Variants in BRAT1 observed in about 807,000 individuals in gnomAD.
BRAT1 encodes integrator complex assembly factor BRAT1.
In BRAT1, 74 loss-of-function variants were observed where a neutral mutation model predicts 70.6. The ratio of observed to expected loss-of-function variants is 1.05; its 90% CI spans 0.87 to 1.27. The LOEUF is 1.27. BRAT1 is among the 50% of genes most tolerant of loss of function. BRAT1 has a pLI of 0.00. For synonymous variants in BRAT1, 615 were observed against 517.1 expected (o/e 1.19, Z -2.57); for missense variants, 1,203 against 1,098.2 (o/e 1.10, Z -1.35).
chr7:2,546,258 T>G (rs939182392), intron 3 of BRAT1, among the ~76,000 whole-genome samples: 2 of 150,838 alleles, frequency 1.3e-5, no homozygotes, highest in Non-Finnish European at 3.0e-5. Flanking sequence ...CTGGGCAACA[T>G]AGTGAGACCC....
In BRAT1 at chr7:2,539,233, C is replaced by G; in HGVS notation, c.1716G>C (p.Leu572=). 1 of 1,611,102 alleles carries G rather than the reference C, an allele frequency of 6.2e-7. No homozygotes were observed. The highest frequency in any genetic ancestry group is 8.5e-7 in the Non-Finnish European group (1 of 1,179,808). ...TGGGGGCGTGCAGGCCCTGGCTGGA[C>G]AGCTGCCCCATGGCGGTCACTGCAC... The part of the protein sequence containing the change: ...RASAVTAMGQ[L]SSQGLHAPTS... The change falls in exon 13 of 14, where the codon CTG becomes CTC. Residue 572 remains leucine, a synonymous_variant. Coordinates refer to ENST00000340611, the MANE Select transcript of BRAT1 (RefSeq NM_152743.4).
chr7:2,541,211 G>T, intron 9 of BRAT1, 87 bp downstream of exon 9: 1 of 1,462,752 alleles, frequency 6.8e-7, no homozygotes, highest in South Asian at 1.4e-5. Flanking sequence ...AACAGAGAGG[G>T]ACAGCAGTTC....
Position 2,541,447 on chromosome 7 carries a change from A to G in BRAT1, c.1172T>C (p.Leu391Pro). The G allele has an allele frequency of 6.4e-7, 1 of 1,568,934 alleles. No individual in the cohort carries two copies. The highest frequency in any genetic ancestry group is 2.0e-4 in the Middle Eastern group (1 of 5,102). The change falls in exon 9 of 14, where the codon CTG (leucine) becomes CCG (proline). Residue 391 changes from leucine (L) to proline (P), a missense_variant. Coordinates refer to ENST00000340611, the MANE Select transcript of BRAT1 (RefSeq NM_152743.4). ...CCGCAGGACAGTCACTGTAGCCCCC[A>G]GTAGAGACGCCTGGGGCCACGGTGA... Reference protein sequence around the residue: ...RPSPWPQASLLGATVTVLRLC... With the variant: ...RPSPWPQASLPGATVTVLRLC...
Position 2,554,293 on chromosome 7 carries a change from C to T in BRAT1, c.127+12G>A. 1 of 1,612,840 alleles carries T rather than the reference C, an allele frequency of 6.2e-7. No homozygotes were observed. The highest frequency in any genetic ancestry group is 8.5e-7 in the Non-Finnish European group (1 of 1,179,218). ...TCTGGATAGGCAGTAAACAGCAGCA[C>T]CACCTCCTTACCTCCTTCAGTGACC... is the stretch of plus-strand genomic sequence containing the variant. On this transcript the variant is annotated intron_variant, in intron 2 of 13. Coordinates refer to ENST00000340611, the MANE Select transcript of BRAT1 (RefSeq NM_152743.4).
At chr7:2,538,925 C>G in intron 13 of BRAT1, 161 bp from the exon 14 acceptor site, 3 of 1,457,126 alleles carry the variant, frequency 2.1e-6, no homozygotes, top group Non-Finnish European at 2.7e-6. Flanking sequence ...ACACGGCCCT[C>G]CAATCCTCAG....
intron 8 of BRAT1, 35 bp from the exon 9 acceptor site, chr7:2,541,519 T>A (rs1256346293): frequency 6.6e-7 from 1 of 1,511,014 alleles, no homozygotes; most frequent in Admixed American, 2.1e-5. Flanking sequence ...AAGGTTGCGG[T>A]CCCACTGCCG....
intron 2 of BRAT1, among the ~76,000 whole-genome samples, chr7:2,552,051 G>A (rs1358963749): frequency 8.6e-6 from 1 of 116,842 alleles, no homozygotes; most frequent in East Asian, 2.7e-4. Flanking sequence ...TGTAGCTAAA[G>A]TCATACTTTT....
At position 2,543,439 on chromosome 7, in the gene BRAT1, T is replaced by TC. The variant is rs1288425220; in HGVS notation, c.804-117dup. ...AGGCGCCCAGCCCAAGACAGGCCTTTCCCCATGAGGGTTCCAGGGTCACCC... is the reference window on the plus strand; with the variant it reads ...AGGCGCCCAGCCCAAGACAGGCCTTTCCCCCATGAGGGTTCCAGGGTCACCC... On this transcript the variant is annotated intron_variant, in intron 5 of 13. Transcript: ENST00000340611. The surrounding 1 kb of genome is among the most constrained non-coding windows in gnomAD (Gnocchi z 5.5). 2.0e-6 allele frequency: 3 copies of TC among 1,480,786 alleles called. No individual in the cohort carries two copies. In the African/African-American group the frequency reaches 4.2e-5, roughly 21 times the overall value. 91.7% of individuals were successfully genotyped at this position (1,480,786 alleles called of 1,614,324 possible). A position where few individuals can be genotyped will look rare whatever the true frequency, so the allele number is the denominator to read the frequency against.
At chr7:2,547,256 C>G in intron 3 of BRAT1, 68 bp downstream of exon 3, 1 of 1,579,014 alleles carries the variant, frequency 6.3e-7, no homozygotes, top group East Asian at 2.2e-5. Flanking sequence ...AAATGCCCCA[C>G]CTGGCTGCGG....
rs762907691 is a variant in BRAT1, at chr7:2,539,826, G to A, written c.1458C>T (p.Gly486=). 9 of 1,611,266 alleles carry A rather than the reference G, an allele frequency of 5.6e-6. No individual in the cohort carries two copies. Among genetic ancestry groups the A allele is most frequent in the Non-Finnish European group, 7.6e-6 (9 of 1,178,898 alleles). ...GGATGAGGGGGCCGAGATCAGAGCA[G>A]CCGGGGGTCTTGGGTGAGCTCAGGA... The part of the protein sequence containing the change: ...RWLLSSPKTP[G]CSDLGPLIPQ... Residue 486 remains glycine (G), a synonymous_variant, in exon 11 of 14, where the codon GGC becomes GGT. Coordinates refer to ENST00000340611, the MANE Select transcript of BRAT1 (RefSeq NM_152743.4).
At chr7:2,541,644 G>T in intron 8 of BRAT1, 74 bp downstream of exon 8, 1 of 1,493,664 alleles carries the variant, frequency 6.7e-7, no homozygotes, top group Non-Finnish European at 9.0e-7. Context: ...AGGGGTGGGG[G>T]GCGTCAGCCT....
In BRAT1 at chr7:2,539,811, G is replaced by GC; in HGVS notation, c.1472dup (p.Leu493ProfsTer44). 1 of 1,612,008 alleles carries GC rather than the reference G, an allele frequency of 6.2e-7. No individual in the cohort carries two copies. The highest frequency in any genetic ancestry group is 1.1e-5 in the South Asian group (1 of 90,544). ...CTCTGAGGAACTGCGGGATGAGGGG[G>GC]CCGAGATCAGAGCAGCCGGGGGTCT... On this transcript the variant is annotated frameshift_variant, in exon 11 of 14. Coordinates refer to ENST00000340611, the MANE Select transcript of BRAT1 (RefSeq NM_152743.4). LOFTEE classifies it high-confidence loss of function.
rs1778987582 is a variant in BRAT1, at chr7:2,539,637, A to G, written c.1504T>C (p.Phe502Leu). The change falls in exon 12 of 14, where the codon TTC (phenylalanine) becomes CTC (leucine). Residue 502 changes from phenylalanine (F) to leucine (L), a missense_variant. Transcript: ENST00000340611. ...CACAGGCGTTTCTGCAGCACAGGGA[A>G]CAGCTCTAGGGTGGGAAGGGACAGG... ...PLIPQFLREL[F>L]PVLQKRLCHP... The G allele has an allele frequency of 3.1e-6, 5 of 1,593,564 alleles. No homozygotes were observed. The highest frequency in any genetic ancestry group is 1.1e-5 in the South Asian group (1 of 88,180).
At chr7:2,554,890 G>A (rs1016697473) in intron 1 of BRAT1, among the ~76,000 whole-genome samples, 7 of 152,118 alleles carry the variant, frequency 4.6e-5, no homozygotes, top group African/African-American at 1.7e-4. Flanking sequence ...CCCTCCCAGC[G>A]TCAAGTGGTG....
intron 4 of BRAT1, 101 bp from the exon 5 acceptor site, chr7:2,544,063 C>A: frequency 1.0e-6 from 1 of 991,326 alleles, no homozygotes; most frequent in East Asian, 3.0e-5. Context: ...AGAGGGCCCC[C>A]CAAGATGCCC....
chr7:2,550,205 A>C (rs1779897826), intron 2 of BRAT1, among the ~76,000 whole-genome samples: 1 of 151,276 alleles, frequency 6.6e-6, no homozygotes, highest in African/African-American at 2.4e-5. Flanking sequence ...AGTGCCTCAC[A>C]CCTGTAATTG....
intron 2 of BRAT1, among the ~76,000 whole-genome samples, chr7:2,553,649 GT>G (rs533849021): frequency 3.5e-4 from 50 of 142,522 alleles, no homozygotes; most frequent in African/African-American, 3.6e-4. Flanking sequence ...GTATTACTTT[GT>G]TTTTTTTTTT....
chr7:2,542,325 C>T (rs1028469326), intron 6 of BRAT1, 114 bp from the exon 7 acceptor site: 23 of 860,496 alleles, frequency 2.7e-5, no homozygotes, highest in African/African-American at 6.7e-5. Context: ...GGACACCCCC[C>T]GAGAAACATT....
Position 2,540,123 on chromosome 7 carries a change from G to A in BRAT1, c.1396-235C>T, listed in dbSNP as rs77651117. On this transcript the variant is annotated intron_variant, in intron 10 of 13. Transcript: ENST00000340611. ...AGCCTCCACCTCCCAGGCTCAAACA[G>A]TCCTCCTGCCTCAGCCTCATGAGTA... 0.14 allele frequency: 69,013 copies of A among 477,714 alleles called. 6,221 individuals carry two copies. Among genetic ancestry groups the A allele is most frequent in the African/African-American group, 0.33 (16,106 of 49,274 alleles). 29.6% of individuals were successfully genotyped at this position (477,714 alleles called of 1,614,324 possible).
Sources: allele counts gnomAD v4.1 joint callset (sites outside exome capture counted in the v4.1 genomes callset), GRCh38; gene constraint gnomAD v4.1.1; non-coding constraint Gnocchi (gnomAD v3.1); transcripts MANE v1.5; gene names NCBI Gene and HGNC (gene_info 2026-07-23, HGNC 2026-07-21).